MRPS9: variants seen among roughly 807,000 people sequenced by gnomAD.
MRPS9 encodes the protein mitochondrial ribosomal protein S9.
A neutral mutation model predicts 59.9 loss-of-function variants in MRPS9; 45 were observed. The observed-to-expected ratio is 0.75, with a 90% CI of 0.59 to 0.96. The LOEUF is 0.96. Among genes scored for constraint, MRPS9 ranks in the 40% least tolerant of loss-of-function variants. The pLI, the probability that MRPS9 is intolerant of heterozygous loss-of-function variation, is 0.00. For synonymous variants in MRPS9, 171 were observed against 166.8 expected (o/e 1.03, Z -0.19); for missense variants, 473 against 481.1 (o/e 0.98, Z 0.16).
rs969397120 is a variant in MRPS9, at chr2:105,092,512, C to A, written c.763C>A (p.Gln255Lys). The A allele has an allele frequency of 6.2e-7, 1 of 1,613,792 alleles. No individual in the cohort carries two copies. The highest frequency in any genetic ancestry group is 1.3e-5 in the African/African-American group (1 of 74,896). ...AAGTGTAACTCTTGAATCAAAAAAA[C>A]AGCTGATTGAACCTGTACAGTATGA... is the stretch of plus-strand genomic sequence containing the variant. ...RRSVTLESKK[Q>K]LIEPVQYDEQ... The change falls in exon 8 of 11, where the codon CAG becomes AAG. Residue 255 changes from glutamine to lysine, a missense_variant. Coordinates refer to ENST00000258455, the MANE Select transcript of MRPS9 (RefSeq NM_182640.3).
rs548701163 is a variant in MRPS9 at position 105,069,121 on chromosome 2, A to G, written c.316-2192A>G. ...AGACTTTTGAACTTTTGCTAGTCCT[A>G]TTAGATAAAATGTGTTCTCTCAGTA... On this transcript the variant is annotated intron_variant, in intron 2 of 10. Coordinates refer to ENST00000258455, the MANE Select transcript of MRPS9 (RefSeq NM_182640.3). 1.1e-3 allele frequency among the ~76,000 whole-genome samples: 164 copies of G among 151,826 alleles called. 1 individual carries two copies. The highest frequency in any genetic ancestry group is 2.0e-3 in the Non-Finnish European group (135 of 68,002).
At chr2:105,078,315 A>AGTGT (rs71250682) in intron 4 of MRPS9, among the ~76,000 whole-genome samples, 52,147 of 147,224 alleles carry the variant, frequency 0.35, 9,396 homozygotes, top group Non-Finnish European at 0.39. Flanking sequence ...GGTGAAGTCA[A>AGTGT]GTGTGTGTGT....
chr2:105,042,968 C>A (rs1679526973), intron 1 of MRPS9, among the ~76,000 whole-genome samples: 1 of 152,116 alleles, frequency 6.6e-6, no homozygotes, highest in Admixed American at 6.5e-5. Context: ...CCTCCCACCC[C>A]CCAGAGTCAT....
chr2:105,089,902 T>C lies in MRPS9; in HGVS notation c.576-18T>C, dbSNP rs748215147. ...TGCATGGCTAATTAAAAAGAGAATATATGTGATATTTTAACAGAGACGTGA... is the reference window on the plus strand; with the variant it reads ...TGCATGGCTAATTAAAAAGAGAATACATGTGATATTTTAACAGAGACGTGA... On this transcript the variant is annotated intron_variant, in intron 6 of 10. Coordinates refer to ENST00000258455, the MANE Select transcript of MRPS9 (RefSeq NM_182640.3). The C allele has an allele frequency of 3.2e-6, 5 of 1,552,104 alleles. No individual in the cohort carries two copies. The highest frequency in any genetic ancestry group is 1.7e-4 in the Middle Eastern group (1 of 5,882).
intron 2 of MRPS9, among the ~76,000 whole-genome samples, chr2:105,068,660 T>C (rs1345553611): frequency 6.6e-6 from 1 of 152,238 alleles, no homozygotes. Context: ...CATTTTTGTG[T>C]TTTATGTTTG....
intron 1 of MRPS9, among the ~76,000 whole-genome samples, chr2:105,046,851 T>C (rs1679604408): frequency 6.6e-6 from 1 of 152,068 alleles, no homozygotes; most frequent in African/African-American, 2.4e-5. Context: ...GGGAGAATTA[T>C]CTACTATATG....
chr2:105,083,274 C>T (rs181055276), intron 5 of MRPS9, among the ~76,000 whole-genome samples: 1 of 152,244 alleles, frequency 6.6e-6, no homozygotes, highest in Non-Finnish European at 1.5e-5. Flanking sequence ...TTGTGACTAG[C>T]CTAGGTGTAG....
intron 9 of MRPS9, 32 bp from the exon 10 acceptor site, chr2:105,097,123 A>G: frequency 6.9e-7 from 1 of 1,444,344 alleles, no homozygotes; most frequent in Middle Eastern, 1.9e-4. Flanking sequence ...TTTATAGTAA[A>G]CGTAACCACA....
At chr2:105,084,249 T>A (rs1046685282) in intron 5 of MRPS9, among the ~76,000 whole-genome samples, 2 of 137,618 alleles carry the variant, frequency 1.5e-5, no homozygotes, top group African/African-American at 6.1e-5. Context: ...TATACCAAAA[T>A]ATATATATAT....
At chr2:105,074,169 G>C (rs1680166411) in intron 4 of MRPS9, among the ~76,000 whole-genome samples, 1 of 152,124 alleles carries the variant, frequency 6.6e-6, no homozygotes, top group South Asian at 2.1e-4. Flanking sequence ...GTATTATACA[G>C]AGACAAGCAT....
chr2:105,097,869 T>A (rs928504563), intron 10 of MRPS9, among the ~76,000 whole-genome samples: 6 of 152,110 alleles, frequency 3.9e-5, no homozygotes, highest in Non-Finnish European at 7.4e-5. Flanking sequence ...CTGGATAATT[T>A]TTGTATATTT....
intron 6 of MRPS9, 81 bp downstream of exon 6, chr2:105,089,150 C>A: frequency 1.0e-6 from 1 of 1,004,414 alleles, no homozygotes; most frequent in South Asian, 1.6e-5. Context: ...TTAGACATAC[C>A]TGAAGCCTAA....
At chr2:105,049,639 T>G (rs1679673078) in intron 2 of MRPS9, among the ~76,000 whole-genome samples, 1 of 152,166 alleles carries the variant, frequency 6.6e-6, no homozygotes, top group Non-Finnish European at 1.5e-5. Context: ...TCTTACAAAA[T>G]GATATAACAG....
intron 4 of MRPS9, among the ~76,000 whole-genome samples, chr2:105,074,754 C>T (rs2104456551): frequency 6.6e-6 from 1 of 152,236 alleles, no homozygotes; most frequent in South Asian, 2.1e-4. Context: ...GACTCTCAGA[C>T]ATGTAGTTGA....
In MRPS9 at chr2:105,084,385, G is replaced by A. The variant is rs538048022; in HGVS notation, c.489+4323G>A. Among the ~76,000 whole-genome samples, 14 of 151,974 alleles carry A rather than the reference G, an allele frequency of 9.2e-5. 1 individual carries two copies. The highest frequency in any genetic ancestry group is 2.7e-4 in the African/African-American group (11 of 41,388). ...TTGCCTTGTGAAGGAAGCTCCTGGC[G>A]TATTTGGAGAATCTCCAGTTCATTT... On this transcript the variant is annotated intron_variant, in intron 5 of 10. Transcript: ENST00000258455.
chr2:105,050,208 T>G (rs1348199523), intron 2 of MRPS9, among the ~76,000 whole-genome samples: 2 of 152,158 alleles, frequency 1.3e-5, no homozygotes, highest in African/African-American at 4.8e-5. Flanking sequence ...GGCACGATCT[T>G]GGCTCACAGC....
intron 4 of MRPS9, among the ~76,000 whole-genome samples, chr2:105,072,385 A>G (rs974519601): frequency 2.0e-5 from 3 of 150,220 alleles, no homozygotes; most frequent in Non-Finnish European, 3.0e-5. Flanking sequence ...GATTCTTCCC[A>G]TCAACCTTAC....
intron 4 of MRPS9, among the ~76,000 whole-genome samples, chr2:105,072,518 A>G (rs1352536189): frequency 6.6e-6 from 1 of 152,142 alleles, no homozygotes; most frequent in Non-Finnish European, 1.5e-5. Flanking sequence ...GTAATACTTA[A>G]TTCATGTATT....
intron 2 of MRPS9, among the ~76,000 whole-genome samples, chr2:105,063,097 T>C (rs1679935465): frequency 6.6e-6 from 1 of 152,226 alleles, no homozygotes; most frequent in Non-Finnish European, 1.5e-5. Context: ...ACATGGTTGC[T>C]TCTTTTATCT....
Sources: allele counts gnomAD v4.1 joint callset (sites outside exome capture counted in the v4.1 genomes callset), GRCh38; gene constraint gnomAD v4.1.1; transcripts MANE v1.5; gene names NCBI Gene and HGNC (gene_info 2026-07-23, HGNC 2026-07-21).